The following SMYD3 variants were observed in gnomAD, a reference collection of about 807,000 sequenced individuals.
The protein encoded by SMYD3 is histone-lysine N-methyltransferase SMYD3.
SMYD3 carries 36 observed loss-of-function variants against 57.7 expected under a neutral mutation model. The ratio of observed to expected loss-of-function variants is 0.62; its 90% CI spans 0.48 to 0.82. SMYD3 has a LOEUF of 0.82. Ranked by LOEUF, SMYD3 falls within the 40% of genes least tolerant of loss-of-function variation. SMYD3 has a pLI of 0.00. For synonymous variants in SMYD3, 211 were observed against 195.0 expected (o/e 1.08, Z -0.68); for missense variants, 515 against 538.8 (o/e 0.96, Z 0.44).
chr1:246,304,534 T>C (rs549227778), intron 5 of SMYD3, among the ~76,000 whole-genome samples: 20 of 151,636 alleles, frequency 1.3e-4, no homozygotes, highest in African/African-American at 4.8e-4. Flanking sequence ...GGAAAAAAAA[T>C]AGAGAGGAAA....
At chr1:245,817,016 CG>C (rs1453717543) in intron 10 of SMYD3, among the ~76,000 whole-genome samples, 16 of 151,200 alleles carry the variant, frequency 1.1e-4, no homozygotes, top group African/African-American at 2.9e-4. Flanking sequence ...ACAAAGCAGC[CG>C]GGAAGCTCGA....
intron 5 of SMYD3, among the ~76,000 whole-genome samples, chr1:246,063,444 C>T (rs1357997640): frequency 6.6e-6 from 1 of 152,174 alleles, no homozygotes; most frequent in Non-Finnish European, 1.5e-5. Flanking sequence ...CTGTCAGCCA[C>T]TCTTACCAGA....
At chr1:246,244,970 G>A (rs1412052225) in intron 5 of SMYD3, among the ~76,000 whole-genome samples, 1 of 152,064 alleles carries the variant, frequency 6.6e-6, no homozygotes, top group African/African-American at 2.4e-5. Flanking sequence ...CTTTAATTCT[G>A]CTATCAGGCC....
chr1:245,897,575 C>T (rs967241640), intron 8 of SMYD3, among the ~76,000 whole-genome samples: 10 of 152,096 alleles, frequency 6.6e-5, no homozygotes, highest in African/African-American at 1.4e-4. Context: ...TAATTTTTCA[C>T]GCTTCTAGTT....
intron 10 of SMYD3, among the ~76,000 whole-genome samples, chr1:245,854,887 T>C (rs1012684378): frequency 6.6e-6 from 1 of 152,196 alleles, no homozygotes; most frequent in Non-Finnish European, 1.5e-5. Flanking sequence ...TGTATTATGA[T>C]GGAACCATTG....
At chr1:246,268,042 A>C (rs1418192087) in intron 5 of SMYD3, among the ~76,000 whole-genome samples, 1 of 152,156 alleles carries the variant, frequency 6.6e-6, no homozygotes, top group African/African-American at 2.4e-5. Context: ...ATCAATTGGG[A>C]ATTGTATTGT....
chr1:246,403,413 G>A (rs1316073844), intron 1 of SMYD3, among the ~76,000 whole-genome samples: 1 of 152,180 alleles, frequency 6.6e-6, no homozygotes, highest in East Asian at 1.9e-4. Flanking sequence ...CAAGAGGATT[G>A]CTTGAGCCCA....
intron 10 of SMYD3, among the ~76,000 whole-genome samples, chr1:245,764,400 A>G (rs899458392): frequency 4.0e-5 from 6 of 150,382 alleles, no homozygotes; most frequent in African/African-American, 1.5e-4. Flanking sequence ...CCTCATAAAC[A>G]CTAGAGAAGA....
At chr1:246,130,128 C>T (rs1038410931) in intron 5 of SMYD3, among the ~76,000 whole-genome samples, 1 of 152,156 alleles carries the variant, frequency 6.6e-6, no homozygotes, top group African/African-American at 2.4e-5. Flanking sequence ...AGGAGAAAAA[C>T]TTATATGTTC....
chr1:245,939,496 A>G (rs2057132646), intron 5 of SMYD3, among the ~76,000 whole-genome samples: 1 of 152,056 alleles, frequency 6.6e-6, no homozygotes, highest in Admixed American at 6.5e-5. Flanking sequence ...TGGTGGTGGC[A>G]GGTGTCTGTA....
At chr1:246,452,288 T>C (rs758493582) in intron 1 of SMYD3, among the ~76,000 whole-genome samples, 36 of 152,110 alleles carry the variant, frequency 2.4e-4, no homozygotes, top group Non-Finnish European at 4.1e-4. Flanking sequence ...GGTGGATGAC[T>C]TGAGGCTAGG....
At chr1:246,425,534 GAC>G (rs1193251223) in intron 1 of SMYD3, among the ~76,000 whole-genome samples, 7 of 152,192 alleles carry the variant, frequency 4.6e-5, no homozygotes, top group Non-Finnish European at 8.8e-5. Flanking sequence ...AGCTTGCTGA[GAC>G]AGGCCAGAAA....
intron 5 of SMYD3, among the ~76,000 whole-genome samples, chr1:246,119,883 C>T (rs370955835): frequency 5.1e-4 from 77 of 152,244 alleles, no homozygotes; most frequent in East Asian, 4.4e-3. Flanking sequence ...CCCATCAGTT[C>T]GTGGCTGAGA....
intron 5 of SMYD3, among the ~76,000 whole-genome samples, chr1:245,937,587 A>T (rs574723141): frequency 1.3e-5 from 2 of 152,296 alleles, no homozygotes; most frequent in African/African-American, 4.8e-5. Flanking sequence ...TTCTTCCCAT[A>T]TCCTGAGGCT....
intron 8 of SMYD3, 65 bp downstream of exon 8, chr1:245,915,465 G>A: frequency 9.8e-7 from 1 of 1,016,682 alleles, no homozygotes; most frequent in Non-Finnish European, 1.5e-6. Context: ...AATCTAGGCA[G>A]AGTTCTCTGA....
intron 5 of SMYD3, among the ~76,000 whole-genome samples, chr1:246,206,190 C>T (rs1385086009): frequency 2.6e-5 from 4 of 151,876 alleles, no homozygotes; most frequent in Non-Finnish European, 4.4e-5. Context: ...AATCTAGATA[C>T]AACTTAAGCC....
At chr1:246,438,548 C>T (rs773303467) in intron 1 of SMYD3, among the ~76,000 whole-genome samples, 2 of 152,038 alleles carry the variant, frequency 1.3e-5, no homozygotes, top group Non-Finnish European at 2.9e-5. Context: ...GCCCCCAGCA[C>T]GGATACCAAA....
intron 5 of SMYD3, among the ~76,000 whole-genome samples, chr1:246,230,342 C>T (rs1558332526): frequency 7.0e-6 from 1 of 143,194 alleles, no homozygotes; most frequent in Non-Finnish European, 1.5e-5. Context: ...CAATCGCTCA[C>T]CAGAAAGATT....
intron 5 of SMYD3, among the ~76,000 whole-genome samples, chr1:246,109,337 C>T (rs2061186765): frequency 6.6e-6 from 1 of 152,114 alleles, no homozygotes; most frequent in Admixed American, 6.5e-5. Flanking sequence ...GATTCATTAC[C>T]ATATAACTGG....
Sources: gnomAD v4.1 joint callset for allele counts (sites outside exome capture counted in the v4.1 genomes callset) on GRCh38, gnomAD v4.1.1 for gene constraint, MANE v1.5 for transcripts, NCBI Gene and HGNC (gene_info 2026-07-23, HGNC 2026-07-21) for gene names.